Variants in MAP3K4 observed in about 807,000 individuals in gnomAD.
MAP3K4 encodes mitogen-activated protein kinase kinase kinase 4.
A neutral mutation model predicts 185.6 loss-of-function variants in MAP3K4; 67 were observed. The observed-to-expected ratio is 0.36, with a 90% confidence interval of 0.30 to 0.44. The LOEUF (loss-of-function observed/expected upper bound fraction) is 0.44, where lower values mean the gene tolerates loss of function less well. Among genes scored for constraint, MAP3K4 ranks in the 20% least tolerant of loss-of-function variants. The probability of loss-of-function intolerance (pLI) is 1.00; values close to 1 mark genes in which losing one functional copy is unlikely to be tolerated. For missense variants in MAP3K4, 1,551 were observed against 1,995.1 expected, an observed-to-expected ratio of 0.78 and a Z score of 4.24; for synonymous variants, 702 against 710.4, an observed-to-expected ratio of 0.99 and a Z score of 0.19.
Position 161,115,205 on chromosome 6 carries a change from T to C in MAP3K4, c.4709T>C (p.Leu1570Ser). ...MGHKPPIPER[L>S]SPEGKDFLSH... ...CATAAGCCACCAATCCCTGAAAGAT[T>C]AAGCCCTGAAGGAAAGGACTTCCTT... Residue 1570 changes from leucine (L) to serine (S), a missense_variant, in exon 26 of 27, where the codon TTA (leucine) becomes TCA (serine). Physicochemically the swap from Leu to Ser is moderately radical, Grantham distance 145. This residue lies in a region of MAP3K4 where 159 missense variants were observed against 300.5 expected (regional missense o/e 0.53). Transcript: ENST00000392142. This position sits in a 1 kb window ranked among gnomAD's most constrained non-coding sequence, Gnocchi z 6.0. 1 of 1,614,184 alleles carries C rather than the reference T, an allele frequency of 6.2e-7. No individual in the cohort carries two copies. The highest frequency in any genetic ancestry group is 8.5e-7 in the Non-Finnish European group (1 of 1,180,006).
rs1467965116 is a variant in MAP3K4, at chr6:161,102,737, A to G, written c.3814A>G (p.Arg1272Gly). The change falls in exon 19 of 27, where the codon AGA becomes GGA. Residue 1272 changes from arginine to glycine, a missense_variant. Coordinates refer to ENST00000392142, the MANE Select transcript of MAP3K4 (RefSeq NM_005922.4). ...AAGAGGAGATTCAAGTGGGTCCACA[A>G]GAAGAAGTTGGGAACTTCGGACACT... ...YPRGDSSGST[R>G]RSWELRTLIS... is the part of the protein sequence containing the mutation. 1.2e-5 allele frequency: 19 copies of G among 1,603,056 alleles called. No homozygotes were observed. The Admixed American group carries it at 1.4e-4, about 12-fold the overall frequency.
chr6:161,097,404 A>G lies in MAP3K4; in HGVS notation c.3524+228A>G, dbSNP rs1777621101. Among the ~76,000 whole-genome samples, 1 of 152,230 alleles carries G rather than the reference A, an allele frequency of 6.6e-6. No individual in the cohort carries two copies. Among genetic ancestry groups the G allele is most frequent in the Non-Finnish European group, 1.5e-5 (1 of 68,038 alleles). On this transcript the variant is annotated intron_variant, in intron 16 of 26. Coordinates refer to ENST00000392142, the MANE Select transcript of MAP3K4 (RefSeq NM_005922.4). This position sits in a 1 kb window ranked among gnomAD's most constrained non-coding sequence, Gnocchi z 4.9. ...TCAAGATAACTTCGTTTCTCAGCTT[A>G]TTTATAACCTCAAGCTACTACATGC...
intron 3 of MAP3K4, among the ~76,000 whole-genome samples, chr6:161,059,318 G>T (rs1050044389): frequency 3.9e-5 from 6 of 152,148 alleles, no homozygotes; most frequent in African/African-American, 1.4e-4. Flanking sequence ...TGTATTTTTA[G>T]TAGAGATGGG....
intron 1 of MAP3K4, among the ~76,000 whole-genome samples, chr6:161,002,154 G>C (rs1781353406): frequency 6.7e-6 from 1 of 150,270 alleles, no homozygotes; most frequent in South Asian, 2.1e-4. Flanking sequence ...TGGAATTCTG[G>C]CTGGCCCTTG....
chr6:161,116,935 G>GT lies in MAP3K4; in HGVS notation c.*65_*66insT. ...CTACTGTATGTAATATTTACATAAA[G>GT]ACTGTGCTGAGAAGCAGTATAAGCC... On this transcript the variant is annotated 3_prime_UTR_variant, in exon 27 of 27. Coordinates refer to ENST00000392142, the MANE Select transcript of MAP3K4 (RefSeq NM_005922.4). This position sits in a 1 kb window ranked among gnomAD's most constrained non-coding sequence, Gnocchi z 6.2. The GT allele has an allele frequency of 6.8e-7, 1 of 1,470,336 alleles. No homozygotes were observed. The highest frequency in any genetic ancestry group is 9.5e-7 in the Non-Finnish European group (1 of 1,049,790). The allele number at this position is 1,470,336 out of a possible 1,614,324, so 91.1% of individuals were successfully genotyped here. A position where few individuals can be genotyped will look rare whatever the true frequency, so the allele number is the denominator to read the frequency against.
Position 161,049,780 on chromosome 6 carries a change from C to A in MAP3K4, c.1508C>A (p.Ser503Tyr), listed in dbSNP as rs1232512350. ...KLERLESEDD[S>Y]LGWGAPDWST... ...GAGAGGCTCGAATCTGAGGATGATT[C>A]TCTTGGCTGGGGAGCACCAGACTGG... is the stretch of plus-strand genomic sequence containing the variant. The change falls in exon 3 of 27, where the codon TCT (serine) becomes TAT (tyrosine). Residue 503 changes from serine (S) to tyrosine (Y), a missense_variant. Transcript: ENST00000392142. This position sits in a 1 kb window ranked among gnomAD's most constrained non-coding sequence, Gnocchi z 8.4. 1 of 1,614,006 alleles carries A rather than the reference C, an allele frequency of 6.2e-7. No individual in the cohort carries two copies. Among genetic ancestry groups the A allele is most frequent in the African/African-American group, 1.3e-5 (1 of 74,918 alleles).
At position 161,088,466 on chromosome 6, in the gene MAP3K4, C is replaced by T. The variant is rs1406085619; in HGVS notation, c.2823+512C>T. Among the ~76,000 whole-genome samples the T allele has an allele frequency of 1.3e-5, 2 of 152,170 alleles. No homozygotes were observed. The highest frequency in any genetic ancestry group is 6.5e-5 in the Admixed American group (1 of 15,278). On this transcript the variant is annotated intron_variant, in intron 10 of 26. Coordinates refer to ENST00000392142, the MANE Select transcript of MAP3K4 (RefSeq NM_005922.4). This position sits in a 1 kb window ranked among gnomAD's most constrained non-coding sequence, Gnocchi z 4.5. ...CAGTCATGGTGAGTGTTCATATGCACCTTGAGCTCAGCCTCACCAGAACTG... is the reference window on the plus strand; with the variant it reads ...CAGTCATGGTGAGTGTTCATATGCATCTTGAGCTCAGCCTCACCAGAACTG...
Position 161,100,274 on chromosome 6 carries a change from G to A in MAP3K4, c.3675-1618G>A, listed in dbSNP as rs746391923. Among the ~76,000 whole-genome samples, 3 of 152,348 alleles carry A rather than the reference G, an allele frequency of 2.0e-5. No homozygotes were observed. The East Asian group carries it at 5.8e-4, about 29-fold the overall frequency. ...TGTGTCTCAACACAGCTGTGGGTTTGTGAATGTGCCACGGGGAGGCAGAAT... is the reference window on the plus strand; with the variant it reads ...TGTGTCTCAACACAGCTGTGGGTTTATGAATGTGCCACGGGGAGGCAGAAT... On this transcript the variant is annotated intron_variant, in intron 17 of 26. Coordinates refer to ENST00000392142, the MANE Select transcript of MAP3K4 (RefSeq NM_005922.4). The surrounding 1 kb of genome is among the most constrained non-coding windows in gnomAD (Gnocchi z 5.8).
At chr6:161,055,749 C>T (rs1302421271) in intron 3 of MAP3K4, among the ~76,000 whole-genome samples, 12 of 152,128 alleles carry the variant, frequency 7.9e-5, no homozygotes, top group Non-Finnish European at 5.9e-5. Context: ...ATGCCCTAGT[C>T]GCATTACATT....
intron 3 of MAP3K4, among the ~76,000 whole-genome samples, chr6:161,066,931 A>G (rs1333938029): frequency 4.6e-5 from 7 of 152,220 alleles, no homozygotes; most frequent in Non-Finnish European, 1.0e-4. Flanking sequence ...TATCTTAGAA[A>G]GTTTGGTGAA....
intron 19 of MAP3K4, among the ~76,000 whole-genome samples, chr6:161,104,526 A>G (rs544932418): frequency 6.6e-6 from 1 of 151,982 alleles, no homozygotes; most frequent in Non-Finnish European, 1.5e-5. Context: ...ATCCTGGCCA[A>G]TGTGGTGAAA....
chr6:161,048,031 TAAAGG>T lies in MAP3K4; in HGVS notation c.344-582_344-578del, dbSNP rs1262059273. ...CCACTTGTTTGTGGCAAAGGAGAAA[TAAAGG>T]AATAGAATAAACTAACGTCAGTGTT... On this transcript the variant is annotated intron_variant, in intron 2 of 26. Coordinates refer to ENST00000392142, the MANE Select transcript of MAP3K4 (RefSeq NM_005922.4). This position sits in a 1 kb window ranked among gnomAD's most constrained non-coding sequence, Gnocchi z 4.7. Among the ~76,000 whole-genome samples, 1 of 152,154 alleles carries T rather than the reference TAAAGG, an allele frequency of 6.6e-6. No individual in the cohort carries two copies. The highest frequency in any genetic ancestry group is 1.5e-5 in the Non-Finnish European group (1 of 68,002).
intron 1 of MAP3K4, among the ~76,000 whole-genome samples, chr6:161,005,447 T>C (rs551712207): frequency 4.6e-5 from 7 of 152,078 alleles, no homozygotes; most frequent in Non-Finnish European, 7.4e-5. Flanking sequence ...GCTTTAGACT[T>C]AAATTGTGTT....
In MAP3K4 at chr6:161,107,804, G is replaced by A. The variant is rs58008940; in HGVS notation, c.4049-95G>A. On this transcript the variant is annotated intron_variant, in intron 20 of 26. Transcript: ENST00000392142. The surrounding 1 kb of genome is among the most constrained non-coding windows in gnomAD (Gnocchi z 6.2). ...CATAATTATAGATATATAAATATAC[G>A]TCCAAAATAATTGGACAGTATTATT... 1,909 of 825,492 alleles carry A rather than the reference G, an allele frequency of 2.3e-3. 28 individuals carry two copies. The Middle Eastern group carries it at 0.034, about 15-fold the overall frequency. The allele number at this position is 825,492 out of a possible 1,614,324, so 51.1% of individuals were successfully genotyped here. A position where few individuals can be genotyped will look rare whatever the true frequency, so the allele number is the denominator to read the frequency against.
chr6:161,012,681 CTATTT>C (rs1781905554), intron 1 of MAP3K4, among the ~76,000 whole-genome samples: 1 of 152,084 alleles, frequency 6.6e-6, no homozygotes, highest in African/African-American at 2.4e-5. Flanking sequence ...ATTTGTTACT[CTATTT>C]TATATGTTGT....
intron 1 of MAP3K4, among the ~76,000 whole-genome samples, chr6:161,021,179 G>A (rs1782368400): frequency 1.3e-5 from 2 of 152,186 alleles, no homozygotes; most frequent in Admixed American, 1.3e-4. Context: ...CATTTGTAAG[G>A]TTTTTATAAT....
chr6:160,997,024 T>C (rs2115034747), intron 1 of MAP3K4, among the ~76,000 whole-genome samples: 1 of 152,340 alleles, frequency 6.6e-6, no homozygotes, highest in African/African-American at 2.4e-5. Flanking sequence ...TTTTCCCTTG[T>C]GTCACAAACT....
chr6:161,105,610 A>G (rs1361972491), intron 19 of MAP3K4, among the ~76,000 whole-genome samples: 1 of 152,186 alleles, frequency 6.6e-6, no homozygotes, highest in Non-Finnish European at 1.5e-5. Flanking sequence ...CTGTGTGAGT[A>G]AGATTCACTC....
intron 1 of MAP3K4, among the ~76,000 whole-genome samples, chr6:161,009,701 A>T (rs960465277): frequency 6.6e-6 from 1 of 152,196 alleles, no homozygotes; most frequent in African/African-American, 2.4e-5. Context: ...AAAATCTTTG[A>T]AAGGCTCTTG....
Sources: allele counts gnomAD v4.1 joint callset (sites outside exome capture counted in the v4.1 genomes callset), GRCh38; gene constraint gnomAD v4.1.1; regional missense constraint gnomAD v4.1.1; non-coding constraint Gnocchi (gnomAD v3.1); transcripts MANE v1.5; gene names NCBI Gene and HGNC (gene_info 2026-07-23, HGNC 2026-07-21).